Variants in EPHA3 observed in about 807,000 individuals in gnomAD.
EPHA3 encodes EPH receptor A3.
EPHA3 carries 42 observed loss-of-function variants against 107.1 expected under a neutral mutation model. The observed-to-expected ratio is 0.39, with a 90% confidence interval of 0.31 to 0.51. EPHA3 has a LOEUF of 0.51. Ranked by LOEUF, EPHA3 falls within the 20% of genes least tolerant of loss-of-function variation. EPHA3 has a pLI of 0.78. For synonymous variants in EPHA3, 461 were observed against 424.8 expected (o/e 1.09, Z -1.05); for missense variants, 1,183 against 1,211.2 (o/e 0.98, Z 0.35).
At chr3:89,237,504 G>A (rs1704794299) in intron 3 of EPHA3, among the ~76,000 whole-genome samples, 1 of 152,180 alleles carries the variant, frequency 6.6e-6, no homozygotes. Context: ...GTCACAAAAT[G>A]TTACTTTTTG....
intron 3 of EPHA3, among the ~76,000 whole-genome samples, chr3:89,249,896 C>A (rs900049231): frequency 6.6e-5 from 10 of 152,188 alleles, no homozygotes; most frequent in African/African-American, 2.4e-4. Context: ...CCACAAGATT[C>A]ACCCAACATT....
chr3:89,332,177 T>C (rs1242623747), intron 3 of EPHA3, among the ~76,000 whole-genome samples: 1 of 152,146 alleles, frequency 6.6e-6, no homozygotes, highest in East Asian at 1.9e-4. Context: ...ACCCAACTAG[T>C]GCTACTCTTA....
At chr3:89,169,318 T>G (rs1705158182) in intron 2 of EPHA3, among the ~76,000 whole-genome samples, 1 of 152,172 alleles carries the variant, frequency 6.6e-6, no homozygotes, top group Non-Finnish European at 1.5e-5. Flanking sequence ...ATATTGTACA[T>G]ATTTTTCAGA....
At chr3:89,160,382 T>C (rs1285231474) in intron 2 of EPHA3, among the ~76,000 whole-genome samples, 2 of 152,148 alleles carry the variant, frequency 1.3e-5, no homozygotes, top group Non-Finnish European at 2.9e-5. Flanking sequence ...TTAGATTGTT[T>C]TCCTTAGGTT....
At chr3:89,161,603 C>T (rs1476958661) in intron 2 of EPHA3, among the ~76,000 whole-genome samples, 1 of 152,044 alleles carries the variant, frequency 6.6e-6, no homozygotes, top group Non-Finnish European at 1.5e-5. Context: ...GGCAGTCATT[C>T]ATTTTATATA....
chr3:89,171,052 T>C (rs1482804762), intron 2 of EPHA3, among the ~76,000 whole-genome samples: 1 of 152,090 alleles, frequency 6.6e-6, no homozygotes, highest in Non-Finnish European at 1.5e-5. Flanking sequence ...TATCACATTA[T>C]GGGCATGCAT....
At chr3:89,460,248 C>A (rs1710195676) in intron 15 of EPHA3, among the ~76,000 whole-genome samples, 1 of 152,032 alleles carries the variant, frequency 6.6e-6, no homozygotes, top group Non-Finnish European at 1.5e-5. Context: ...GTATTGAATT[C>A]TTCTATACTG....
Position 89,215,520 on chromosome 3 carries a change from A to T in EPHA3, c.814+5000A>T, listed in dbSNP as rs554040741. 3.3e-5 allele frequency among the ~76,000 whole-genome samples: 5 copies of T among 151,992 alleles called. No individual in the cohort carries two copies. In the South Asian group the frequency reaches 8.3e-4, roughly 25 times the overall value. ...TACTGCAAATCAGATTATTTTGAAC[A>T]CTCAGACACAATGTAATTGCAAACA... On this transcript the variant is annotated intron_variant, in intron 3 of 16. Coordinates refer to ENST00000336596, the MANE Select transcript of EPHA3 (RefSeq NM_005233.6).
At chr3:89,273,868 C>A (rs1012363202) in intron 3 of EPHA3, among the ~76,000 whole-genome samples, 1 of 151,890 alleles carries the variant, frequency 6.6e-6, no homozygotes, top group Non-Finnish European at 1.5e-5. Flanking sequence ...AGCCTTCTTG[C>A]ATTTAGGAAC....
At chr3:89,299,061 G>T (rs1706425600) in intron 3 of EPHA3, among the ~76,000 whole-genome samples, 1 of 152,016 alleles carries the variant, frequency 6.6e-6, no homozygotes, top group Admixed American at 6.6e-5. Flanking sequence ...GGACAATAAA[G>T]GATTAAATGT....
chr3:89,236,651 C>A (rs1444005787), intron 3 of EPHA3, among the ~76,000 whole-genome samples: 2 of 151,192 alleles, frequency 1.3e-5, no homozygotes, highest in African/African-American at 4.9e-5. Flanking sequence ...TTAGTGGGTG[C>A]AGCGCACCAG....
chr3:89,471,729 GTGTGTGTGTGTGTA>G (rs897574812), intron 15 of EPHA3, among the ~76,000 whole-genome samples: 2 of 150,266 alleles, frequency 1.3e-5, no homozygotes, highest in Non-Finnish European at 3.0e-5. Context: ...CTGAGTCTCT[GTGTGTGTGTGTGTA>G]TGTGTGTGTG....
At chr3:89,260,547 T>G (rs1266909812) in intron 3 of EPHA3, among the ~76,000 whole-genome samples, 1 of 152,300 alleles carries the variant, frequency 6.6e-6, no homozygotes, top group East Asian at 1.9e-4. Context: ...TTTCTGCTAT[T>G]GAGTTGTAGG....
chr3:89,136,852 A>T (rs1028804496), intron 2 of EPHA3, among the ~76,000 whole-genome samples: 1 of 151,818 alleles, frequency 6.6e-6, no homozygotes. Flanking sequence ...ATCATTCTTT[A>T]TTTTTTTAAA....
intron 3 of EPHA3, among the ~76,000 whole-genome samples, chr3:89,256,463 C>T (rs1319172145): frequency 2.0e-5 from 3 of 151,846 alleles, no homozygotes; most frequent in East Asian, 1.9e-4. Context: ...CCCAGCTACT[C>T]GGGAACCTGA....
intron 2 of EPHA3, among the ~76,000 whole-genome samples, chr3:89,167,937 C>A (rs757595692): frequency 6.6e-6 from 1 of 152,078 alleles, no homozygotes; most frequent in Non-Finnish European, 1.5e-5. Flanking sequence ...TACACACACA[C>A]AAATATACAT....
At chr3:89,263,926 G>A (rs1705478678) in intron 3 of EPHA3, among the ~76,000 whole-genome samples, 1 of 152,036 alleles carries the variant, frequency 6.6e-6, no homozygotes, top group African/African-American at 2.4e-5. Context: ...CGAAGTTTTA[G>A]GTGGACATGA....
At chr3:89,299,010 G>A (rs1207224312) in intron 3 of EPHA3, among the ~76,000 whole-genome samples, 1 of 152,034 alleles carries the variant, frequency 6.6e-6, no homozygotes, top group Non-Finnish European at 1.5e-5. Context: ...ATAAAGATGT[G>A]TTGTACAAAA....
chr3:89,143,926 T>C (rs1704483500), intron 2 of EPHA3, among the ~76,000 whole-genome samples: 1 of 151,626 alleles, frequency 6.6e-6, no homozygotes. Flanking sequence ...TAGGTTTATT[T>C]TTAGAGCAGT....
Sources: gnomAD v4.1 joint callset for allele counts (sites outside exome capture counted in the v4.1 genomes callset) on GRCh38, gnomAD v4.1.1 for gene constraint, MANE v1.5 for transcripts, NCBI Gene and HGNC (gene_info 2026-07-23, HGNC 2026-07-21) for gene names.